The following EDC3 variants were observed in gnomAD, a reference collection of about 807,000 sequenced individuals.
EDC3 encodes the protein enhancer of mRNA-decapping protein 3.
EDC3 carries 20 observed loss-of-function variants against 41.8 expected under a neutral mutation model. The observed-to-expected ratio is 0.48, with a 90% CI of 0.34 to 0.70. The LOEUF is 0.70. EDC3 is among the 30% of genes least tolerant of loss of function. EDC3 has a pLI of 0.01. For synonymous variants in EDC3, 206 were observed against 243.2 expected (o/e 0.85, Z 1.42); for missense variants, 444 against 636.8 (o/e 0.70, Z 3.26).
At chr15:74,674,407 C>T (rs903268381) in intron 2 of EDC3, among the ~76,000 whole-genome samples, 3 of 152,212 alleles carry the variant, frequency 2.0e-5, no homozygotes, top group Non-Finnish European at 4.4e-5. Context: ...CTGCACCCAT[C>T]AGGGAGCATT....
chr15:74,638,893 C>G (rs943294551), intron 5 of EDC3: 1 of 149,970 alleles, frequency 6.7e-6, no homozygotes, highest in African/African-American at 2.5e-5. Flanking sequence ...TTAAAAACAA[C>G]AACAACAACA....
At chr15:74,664,525 T>C (rs1455928397) in intron 3 of EDC3, among the ~76,000 whole-genome samples, 1 of 152,248 alleles carries the variant, frequency 6.6e-6, no homozygotes, top group Non-Finnish European at 1.5e-5. Flanking sequence ...GCCACTTATT[T>C]ATTGGTTTTT....
At chr15:74,635,942 TGTCTGCTC>T in intron 5 of EDC3, 2 of 343,230 alleles carry the variant, frequency 5.8e-6, no homozygotes, top group South Asian at 7.5e-5. Context: ...TCTGCAGCCT[TGTCTGCTC>T]TTCTTCCCCA....
rs2062219284 is a variant in EDC3 at position 74,632,296 on chromosome 15, T to C, written c.*316A>G. 2.5e-5 allele frequency: 9 copies of C among 357,438 alleles called. No individual in the cohort carries two copies. Among genetic ancestry groups the C allele is most frequent in the Non-Finnish European group, 4.7e-5 (9 of 192,558 alleles). 22.1% of individuals were successfully genotyped at this position (357,438 alleles called of 1,614,324 possible). A position where few individuals can be genotyped will look rare whatever the true frequency, so the allele number is the denominator to read the frequency against. ...AATGTGTGTGCCCAGGCCCAGTGGC[T>C]GTAAACCTGAAACACAGTCTTGAGA... On this transcript the variant is annotated 3_prime_UTR_variant, in exon 7 of 7. Transcript: ENST00000315127. The surrounding 1 kb of genome is among the most constrained non-coding windows in gnomAD (Gnocchi z 4.0).
chr15:74,634,119 C>T (rs371029708), intron 6 of EDC3, among the ~76,000 whole-genome samples: 1 of 152,204 alleles, frequency 6.6e-6, no homozygotes, highest in African/African-American at 2.4e-5. Flanking sequence ...GACTCTGTCC[C>T]TACCACTCCA....
intron 1 of EDC3, among the ~76,000 whole-genome samples, chr15:74,693,220 C>T (rs117463594): frequency 6.6e-6 from 1 of 152,202 alleles, no homozygotes; most frequent in African/African-American, 2.4e-5. Context: ...CAGGTCACAT[C>T]GGTTCTTCTC....
chr15:74,640,683 A>G (rs185736266), intron 4 of EDC3, 64 bp from the exon 5 acceptor site: 7 of 1,599,260 alleles, frequency 4.4e-6, no homozygotes, highest in East Asian at 4.5e-5. Context: ...AACCGGGTAT[A>G]CTCTATCCAA....
At chr15:74,667,499 A>G (rs11629942) in intron 3 of EDC3, among the ~76,000 whole-genome samples, 152 of 18,766 alleles carry the variant, frequency 8.1e-3, no homozygotes, top group Non-Finnish European at 0.011. Flanking sequence ...GGAGGAGGAG[A>G]AGCAGCAGCA....
intron 3 of EDC3, among the ~76,000 whole-genome samples, chr15:74,656,319 C>T (rs991276663): frequency 1.1e-4 from 17 of 151,964 alleles, no homozygotes; most frequent in African/African-American, 3.9e-4. Flanking sequence ...GCAGGAGGAT[C>T]GCTTGTGCCT....
intron 3 of EDC3, among the ~76,000 whole-genome samples, chr15:74,657,977 GAGTAGCC>G (rs1385220839): frequency 6.6e-6 from 1 of 152,130 alleles, no homozygotes; most frequent in African/African-American, 2.4e-5. Flanking sequence ...ATCCACAACA[GAGTAGCC>G]AGCCACACCC....
intron 2 of EDC3, among the ~76,000 whole-genome samples, chr15:74,672,849 G>A (rs1046591074): frequency 2.6e-5 from 4 of 151,826 alleles, no homozygotes; most frequent in Non-Finnish European, 4.4e-5. Flanking sequence ...AGTGTTAAAT[G>A]TTATGACAGA....
intron 4 of EDC3, among the ~76,000 whole-genome samples, chr15:74,649,990 C>T (rs1221267006): frequency 6.6e-6 from 1 of 152,180 alleles, no homozygotes; most frequent in African/African-American, 2.4e-5. Context: ...GTTCACTCAA[C>T]CCTGTTTTCA....
chr15:74,661,758 A>G (rs957957037), intron 3 of EDC3, among the ~76,000 whole-genome samples: 12 of 151,818 alleles, frequency 7.9e-5, no homozygotes, highest in African/African-American at 2.7e-4. Context: ...AAGAAAAAGA[A>G]AAAGAAAAAA....
At chr15:74,654,601 C>A (rs1003000122) in intron 4 of EDC3, among the ~76,000 whole-genome samples, 2 of 152,086 alleles carry the variant, frequency 1.3e-5, no homozygotes, top group African/African-American at 4.8e-5. Context: ...CTTAAGGAAA[C>A]CACCTTAATA....
At chr15:74,647,351 G>A (rs1343924503) in intron 4 of EDC3, among the ~76,000 whole-genome samples, 1 of 152,096 alleles carries the variant, frequency 6.6e-6, no homozygotes, top group Non-Finnish European at 1.5e-5. Context: ...CTCTGGAATG[G>A]CAAGAGGGCA....
chr15:74,635,637 A>G lies in EDC3; in HGVS notation c.975-11T>C, dbSNP rs1240670664. The G allele has an allele frequency of 6.2e-7, 1 of 1,610,916 alleles. No individual in the cohort carries two copies. Among genetic ancestry groups the G allele is most frequent in the Non-Finnish European group, 8.5e-7 (1 of 1,177,524 alleles). On this transcript the variant is annotated splice_polypyrimidine_tract_variant and intron_variant, in intron 5 of 6. Transcript: ENST00000315127. ...TTTTTGGGATTCAACCTGGAAAAGA[A>G]GGTGAAGAAGCAGTATCAGCTACAT...
chr15:74,635,122 AT>A (rs1259341005), intron 6 of EDC3: 4 of 624,872 alleles, frequency 6.4e-6, no homozygotes, highest in South Asian at 6.1e-5. Context: ...AGAAGAATGG[AT>A]TTAAAAAAAT....
At chr15:74,640,710 A>G (rs987992473) in intron 4 of EDC3, 91 bp from the exon 5 acceptor site, 4 of 1,516,504 alleles carry the variant, frequency 2.6e-6, no homozygotes, top group South Asian at 2.3e-5. Context: ...GCAAATGCCA[A>G]CATTTTACCA....
At position 74,646,069 on chromosome 15, in the gene EDC3, T is replaced by G. The variant is rs990521814; in HGVS notation, c.821-5450A>C. On this transcript the variant is annotated intron_variant, in intron 4 of 6. Transcript: ENST00000315127. Reference sequence around the variant, plus strand: ...TTTGTTGTTGTTGTTGTTTTGTTTTTTTTTTTTTTTTTTGAGACAGAGTTC... The same window carrying G: ...TTTGTTGTTGTTGTTGTTTTGTTTTGTTTTTTTTTTTTTGAGACAGAGTTC... 7.3e-3 allele frequency among the ~76,000 whole-genome samples: 1,034 copies of G among 141,262 alleles called. 8 individuals carry two copies. The highest frequency in any genetic ancestry group is 0.028 in the East Asian group (126 of 4,504). The allele number at this position is 141,262 out of a possible 152,430, so 92.7% of individuals were successfully genotyped here. A position where few individuals can be genotyped will look rare whatever the true frequency, so the allele number is the denominator to read the frequency against.
Sources: gnomAD v4.1 joint callset for allele counts (sites outside exome capture counted in the v4.1 genomes callset) on GRCh38, gnomAD v4.1.1 for gene constraint, Gnocchi (gnomAD v3.1) non-coding constraint, MANE v1.5 for transcripts, NCBI Gene and HGNC (gene_info 2026-07-23, HGNC 2026-07-21) for gene names.